Variants in CHRNA7 observed in about 807,000 individuals in gnomAD.
CHRNA7 encodes cholinergic receptor nicotinic alpha 7 subunit.
CHRNA7 carries 17 observed loss-of-function variants against 48.0 expected under a neutral mutation model. The ratio of observed to expected loss-of-function variants is 0.35; its 90% CI spans 0.24 to 0.53. The LOEUF (loss-of-function observed/expected upper bound fraction) is 0.53. Ranked by LOEUF, CHRNA7 falls within the 20% of genes least tolerant of loss-of-function variation. The probability of loss-of-function intolerance (pLI) is 0.92; values close to 1 mark genes in which losing one functional copy is unlikely to be tolerated. For missense variants in CHRNA7, 155 were observed against 577.7 expected (o/e 0.27, Z 7.50); for synonymous variants, 75 against 242.3 (o/e 0.31, Z 6.41).
At chr15:32,038,539 T>A (rs1222729610) in intron 2 of CHRNA7, among the ~76,000 whole-genome samples, 3 of 152,188 alleles carry the variant, frequency 2.0e-5, no homozygotes, top group Non-Finnish European at 4.4e-5. Context: ...TTGCTAATTT[T>A]TAAATTTTTG....
intron 4 of CHRNA7, among the ~76,000 whole-genome samples, chr15:32,131,994 G>A (rs2141318915): frequency 6.6e-6 from 1 of 152,298 alleles, no homozygotes; most frequent in East Asian, 1.9e-4. Flanking sequence ...GGAGGCGGCT[G>A]GGTCAAGATG....
intron 2 of CHRNA7, among the ~76,000 whole-genome samples, chr15:32,089,489 G>A (rs2050349225): frequency 6.6e-6 from 1 of 152,044 alleles, no homozygotes; most frequent in Admixed American, 6.6e-5. Context: ...GACACAACAT[G>A]TTCAAATTGC....
chr15:32,040,417 T>A (rs924083437), intron 2 of CHRNA7, among the ~76,000 whole-genome samples: 29 of 152,030 alleles, frequency 1.9e-4, no homozygotes, highest in Admixed American at 3.3e-4. Flanking sequence ...CTTTTTTTAC[T>A]TTTTTAGTGG....
chr15:32,144,102 A>T (rs1355941572), intron 4 of CHRNA7, among the ~76,000 whole-genome samples: 1 of 152,206 alleles, frequency 6.6e-6, no homozygotes, highest in Non-Finnish European at 1.5e-5. Context: ...GAGCTCTTGT[A>T]AGGCAGGCCT....
At chr15:32,045,867 G>A (rs989160213) in intron 2 of CHRNA7, among the ~76,000 whole-genome samples, 1 of 134,444 alleles carries the variant, frequency 7.4e-6, no homozygotes, top group African/African-American at 2.8e-5. Flanking sequence ...CCCTTCCTGT[G>A]ACCATGTGTT....
chr15:32,118,908 C>G (rs1383637336), intron 4 of CHRNA7, among the ~76,000 whole-genome samples: 1 of 150,252 alleles, frequency 6.7e-6, no homozygotes, highest in Non-Finnish European at 1.5e-5. Flanking sequence ...CCTGTGATAT[C>G]AAGTGGAGAG....
chr15:32,114,089 TACACAC>T (rs1287180293), intron 4 of CHRNA7, among the ~76,000 whole-genome samples: 4 of 137,210 alleles, frequency 2.9e-5, no homozygotes, highest in Non-Finnish European at 6.2e-5. Context: ...CATACATACA[TACACAC>T]ACACATATAC....
Position 32,169,047 on chromosome 15 carries a change from A to C in CHRNA7, c.*589A>C, listed in dbSNP as rs1484430549. The C allele has an allele frequency of 2.8e-5, 4 of 145,418 alleles. No homozygotes were observed. The highest frequency in any genetic ancestry group is 4.6e-5 in the Non-Finnish European group (3 of 65,556). The allele number at this position is 145,418 out of a possible 1,614,324, so 9.0% of individuals were successfully genotyped here. ...GTTTCTACATTAAAAAAAAAAAAAA[A>C]AGACAGACTGTTGGTCTTACTAAGG... is the stretch of plus-strand genomic sequence containing the variant. On this transcript the variant is annotated 3_prime_UTR_variant, in exon 10 of 10. Transcript: ENST00000306901.
chr15:32,062,905 T>C (rs992897984), intron 2 of CHRNA7, among the ~76,000 whole-genome samples: 2 of 152,180 alleles, frequency 1.3e-5, no homozygotes, highest in Non-Finnish European at 2.9e-5. Context: ...CTAGGTGTTA[T>C]AGCATACTAC....
chr15:32,051,626 C>T (rs971731094), intron 2 of CHRNA7, among the ~76,000 whole-genome samples: 11 of 152,308 alleles, frequency 7.2e-5, no homozygotes, highest in African/African-American at 2.6e-4. Flanking sequence ...CCTCGCCCTG[C>T]TTCGGCTGGT....
chr15:32,066,321 G>T (rs545934021), intron 2 of CHRNA7, among the ~76,000 whole-genome samples: 2 of 148,666 alleles, frequency 1.3e-5, no homozygotes, highest in East Asian at 3.9e-4. Context: ...TCACTCTGTC[G>T]CCCAGGCTGG....
intron 2 of CHRNA7, among the ~76,000 whole-genome samples, chr15:32,081,501 C>G (rs575515854): frequency 1.3e-5 from 2 of 151,902 alleles, no homozygotes; most frequent in Non-Finnish European, 2.9e-5. Context: ...CAGTGGAACT[C>G]TTTGTGTATA....
At chr15:32,152,269 C>T (rs1258661370) in intron 4 of CHRNA7, among the ~76,000 whole-genome samples, 1 of 152,072 alleles carries the variant, frequency 6.6e-6, no homozygotes. Context: ...ATGGTGAAAC[C>T]CCATCTCTAC....
chr15:32,038,838 T>C (rs538120943), intron 2 of CHRNA7, among the ~76,000 whole-genome samples: 18 of 152,206 alleles, frequency 1.2e-4, no homozygotes, highest in Non-Finnish European at 1.9e-4. Context: ...CTGTAGATAA[T>C]TGGTATAATT....
At position 32,059,103 on chromosome 15, in the gene CHRNA7, A is replaced by C. The variant is rs1339319685; in HGVS notation, c.195+28066A>C. ...ACTGCAACCTCCGCCTCCTGGGTTC[A>C]AGCAATTCTCATGCCTCAGTCTCCC... On this transcript the variant is annotated intron_variant, in intron 2 of 9. Transcript: ENST00000306901. 5.9e-5 allele frequency among the ~76,000 whole-genome samples: 9 copies of C among 152,074 alleles called. No homozygotes were observed. In the East Asian group the frequency reaches 1.6e-3, roughly 26 times the overall value.
intron 3 of CHRNA7, 87 bp from the exon 4 acceptor site, chr15:32,111,703 T>G: frequency 1.4e-6 from 1 of 722,156 alleles, no homozygotes; most frequent in Non-Finnish European, 2.4e-6. Flanking sequence ...GGAATTCTCT[T>G]TGGTTTTGCA....
chr15:32,055,116 T>C (rs368037173), intron 2 of CHRNA7, among the ~76,000 whole-genome samples: 1 of 152,358 alleles, frequency 6.6e-6, no homozygotes, highest in East Asian at 1.9e-4. Flanking sequence ...GTGATTTTAA[T>C]TAGCATTTCC....
At chr15:32,147,569 CAAAT>C (rs1218508214) in intron 4 of CHRNA7, among the ~76,000 whole-genome samples, 2 of 151,978 alleles carry the variant, frequency 1.3e-5, no homozygotes, top group African/African-American at 4.8e-5. Flanking sequence ...AATAAATAAA[CAAAT>C]AATATAAATA....
At chr15:32,031,489 C>T (rs1020672519) in intron 2 of CHRNA7, among the ~76,000 whole-genome samples, 4 of 152,212 alleles carry the variant, frequency 2.6e-5, no homozygotes, top group African/African-American at 9.7e-5. Flanking sequence ...TGGCCCTGAG[C>T]TTTGCAGCTG....
Sources: gnomAD v4.1 joint callset for allele counts (sites outside exome capture counted in the v4.1 genomes callset) on GRCh38, gnomAD v4.1.1 for gene constraint, MANE v1.5 for transcripts, NCBI Gene and HGNC (gene_info 2026-07-23, HGNC 2026-07-21) for gene names.